Variants in EPHB1 observed in about 807,000 individuals in gnomAD.
The protein encoded by EPHB1 is EPH receptor B1.
A neutral mutation model predicts 94.4 loss-of-function variants in EPHB1; 30 were observed. That is an observed-to-expected ratio of 0.32 (90% CI 0.24 to 0.43). EPHB1 has a LOEUF of 0.43. Among genes scored for constraint, EPHB1 ranks in the 20% least tolerant of loss-of-function variants. EPHB1 has a pLI of 1.00. For missense variants in EPHB1, 1,055 were observed against 1,308.3 expected (o/e 0.81, Z 2.99); for synonymous variants, 522 against 489.1 (o/e 1.07, Z -0.89).
chr3:135,228,881 T>C (rs934190619), intron 12 of EPHB1, among the ~76,000 whole-genome samples: 8 of 152,290 alleles, frequency 5.3e-5, no homozygotes, highest in Non-Finnish European at 1.2e-4. Flanking sequence ...ATGTATCTTC[T>C]TTCCTTCTTT....
intron 1 of EPHB1, among the ~76,000 whole-genome samples, chr3:134,875,224 G>A (rs1238043766): frequency 1.3e-5 from 2 of 152,190 alleles, no homozygotes; most frequent in African/African-American, 4.8e-5. Context: ...GTGCTGGTTG[G>A]AGAGAAGCCA....
In EPHB1 at chr3:135,085,711, G is replaced by A. The variant is rs565852293; in HGVS notation, c.806-20737G>A. On this transcript the variant is annotated intron_variant, in intron 3 of 15. Transcript: ENST00000398015. ...CAAAGCTCACAGCCATGAGGCAGCT[G>A]GGCCTTGCCCTCCTTGCCTCTGTCT... 8.9e-4 allele frequency among the ~76,000 whole-genome samples: 135 copies of A among 152,294 alleles called. 2 individuals carry two copies. The South Asian group carries it at 9.7e-3, about 11-fold the overall frequency.
At chr3:135,218,614 G>A (rs1374907604) in intron 12 of EPHB1, among the ~76,000 whole-genome samples, 1 of 152,324 alleles carries the variant, frequency 6.6e-6, no homozygotes, top group African/African-American at 2.4e-5. Flanking sequence ...CATCATGTGG[G>A]AGGGGCCAGC....
chr3:135,020,195 C>T (rs1438885778), intron 3 of EPHB1, among the ~76,000 whole-genome samples: 1 of 152,128 alleles, frequency 6.6e-6, no homozygotes, highest in Non-Finnish European at 1.5e-5. Context: ...TACCATTTCC[C>T]CAAACATGTT....
intron 3 of EPHB1, among the ~76,000 whole-genome samples, chr3:134,976,869 A>T (rs1934212216): frequency 6.6e-6 from 1 of 152,146 alleles, no homozygotes; most frequent in Non-Finnish European, 1.5e-5. Context: ...GTAGGTGGAG[A>T]CTTTGTGGCC....
At chr3:135,225,688 CA>C (rs1353569031) in intron 12 of EPHB1, among the ~76,000 whole-genome samples, 3 of 151,922 alleles carry the variant, frequency 2.0e-5, no homozygotes, top group Non-Finnish European at 4.4e-5. Context: ...GGCCACACCT[CA>C]GGTGAGTGGG....
At chr3:134,930,869 C>T (rs543902777) in intron 2 of EPHB1, among the ~76,000 whole-genome samples, 119 of 152,178 alleles carry the variant, frequency 7.8e-4, no homozygotes, top group Non-Finnish European at 1.6e-3. Context: ...CTCTAACATA[C>T]TGTCCTTCAC....
chr3:135,065,086 T>C (rs1166000076), intron 3 of EPHB1, among the ~76,000 whole-genome samples: 1 of 152,160 alleles, frequency 6.6e-6, no homozygotes, highest in East Asian at 1.9e-4. Context: ...AATTTCAATT[T>C]TCTTAAATTT....
At chr3:134,798,835 G>A (rs2035881439) in intron 1 of EPHB1, among the ~76,000 whole-genome samples, 1 of 152,150 alleles carries the variant, frequency 6.6e-6, no homozygotes, top group African/African-American at 2.4e-5. Flanking sequence ...GGCCCTCCTG[G>A]GAGGCAGCAA....
At chr3:135,046,789 A>C (rs1288864828) in intron 3 of EPHB1, among the ~76,000 whole-genome samples, 3 of 152,250 alleles carry the variant, frequency 2.0e-5, no homozygotes, top group African/African-American at 7.2e-5. Context: ...CATGGGAAAT[A>C]TAACCCTTAC....
intron 2 of EPHB1, among the ~76,000 whole-genome samples, chr3:134,939,887 G>A (rs1350017933): frequency 6.6e-6 from 1 of 152,222 alleles, no homozygotes; most frequent in East Asian, 1.9e-4. Flanking sequence ...CAAAATAGCA[G>A]CCTCCCTCAA....
At chr3:134,919,257 G>A (rs963289734) in intron 1 of EPHB1, among the ~76,000 whole-genome samples, 3 of 152,232 alleles carry the variant, frequency 2.0e-5, no homozygotes, top group Non-Finnish European at 4.4e-5. Flanking sequence ...TTGGTGTGAA[G>A]AAGAAGAGAA....
At chr3:135,098,302 C>T (rs1938883535) in intron 3 of EPHB1, among the ~76,000 whole-genome samples, 1 of 151,862 alleles carries the variant, frequency 6.6e-6, no homozygotes, top group Admixed American at 6.6e-5. Context: ...TCACCATTCC[C>T]AGATTTTATT....
In EPHB1 at chr3:135,192,715, GT is replaced by G; in HGVS notation, c.2024del (p.Phe675SerfsTer20). On this transcript the variant is annotated frameshift_variant, in exon 11 of 16. Transcript: ENST00000398015. LOFTEE classifies it high-confidence loss of function. ...TGAGTGAGGCGAGCATCATGGGCCA[GT>G]TCGACCATCCTAACATCATTCGCCT... ...FLSEASIMGQ[F>X]DHPNIIRLEG... is the part of the protein sequence containing the mutation. The G allele has an allele frequency of 6.2e-7, 1 of 1,614,194 alleles. No homozygotes were observed.
intron 3 of EPHB1, among the ~76,000 whole-genome samples, chr3:135,048,887 C>A (rs1937087841): frequency 6.6e-6 from 1 of 152,238 alleles, no homozygotes; most frequent in Non-Finnish European, 1.5e-5. Flanking sequence ...CTGCTTGCTT[C>A]ATCTGTGGGC....
chr3:135,245,536 A>AAAAAAAAACCCAAAAAAG (rs1943898972), intron 13 of EPHB1, among the ~76,000 whole-genome samples: 1 of 127,070 alleles, frequency 7.9e-6, no homozygotes, highest in African/African-American at 2.8e-5. Flanking sequence ...AAAAAAAAAA[A>AAAAAAAAACCCAAAAAAG]TCGGCCCGTG....
At chr3:135,076,944 T>G (rs774257744) in intron 3 of EPHB1, among the ~76,000 whole-genome samples, 5 of 152,162 alleles carry the variant, frequency 3.3e-5, no homozygotes, top group Non-Finnish European at 7.4e-5. Context: ...GGAGCAGTTA[T>G]GGGGCCTGAG....
chr3:135,031,527 C>T (rs1476929137), intron 3 of EPHB1, among the ~76,000 whole-genome samples: 1 of 152,188 alleles, frequency 6.6e-6, no homozygotes, highest in Non-Finnish European at 1.5e-5. Context: ...CCATGCTGGT[C>T]TTGAACTCCT....
Position 135,249,437 on chromosome 3 carries a change from G to A in EPHB1, c.2792G>A (p.Ser931Asn). ...ATCAAAATGGTCCAGTACAGGGACA[G>A]CTTCCTCACTGCTGGCTTCACCTCC... Reference protein sequence around the residue: ...SAIKMVQYRDSFLTAGFTSLQ... With the variant: ...SAIKMVQYRDNFLTAGFTSLQ... The change falls in exon 15 of 16, where the codon AGC (serine) becomes AAC (asparagine). Residue 931 changes from serine to asparagine, a missense_variant. By Grantham distance (46) the Ser-to-Asn change is conservative. Transcript: ENST00000398015. The A allele has an allele frequency of 6.2e-7, 1 of 1,614,052 alleles. No individual in the cohort carries two copies. The highest frequency in any genetic ancestry group is 8.5e-7 in the Non-Finnish European group (1 of 1,179,900).
Sources: allele counts gnomAD v4.1 joint callset (sites outside exome capture counted in the v4.1 genomes callset), GRCh38; gene constraint gnomAD v4.1.1; transcripts MANE v1.5; gene names NCBI Gene and HGNC (gene_info 2026-07-23, HGNC 2026-07-21).